HTR1F: variants seen among roughly 807,000 people sequenced by gnomAD.
HTR1F encodes 5-hydroxytryptamine (serotonin) receptor 1F, G protein-coupled.
Under a neutral mutation model 24.0 loss-of-function variants are expected in HTR1F, and 17 were observed. The ratio of observed to expected loss-of-function variants is 0.71; its 90% CI spans 0.48 to 1.06. The LOEUF (loss-of-function observed/expected upper bound fraction) is 1.06. Among genes scored for constraint, HTR1F ranks in the 50% least tolerant of loss-of-function variants. HTR1F has a pLI of 0.00. For synonymous variants in HTR1F, 186 were observed against 156.8 expected (o/e 1.19, Z -1.39); for missense variants, 391 against 427.8 (o/e 0.91, Z 0.76).
intron 2 of HTR1F, among the ~76,000 whole-genome samples, chr3:87,968,699 G>C (rs13075569): frequency 0.5 from 76,189 of 151,736 alleles, 21,938 homozygotes; most frequent in South Asian, 0.7. Flanking sequence ...CATTTTCTTA[G>C]GAGAAATTTA....
chr3:87,839,374 G>C (rs1704751695), intron 2 of HTR1F, among the ~76,000 whole-genome samples: 2 of 151,900 alleles, frequency 1.3e-5, no homozygotes, highest in Non-Finnish European at 2.9e-5. Context: ...AAAAATGTAT[G>C]GATTTACACC....
intron 2 of HTR1F, among the ~76,000 whole-genome samples, chr3:87,909,380 T>A (rs1445484076): frequency 1.3e-5 from 2 of 152,084 alleles, no homozygotes; most frequent in African/African-American, 4.8e-5. Context: ...TCTTTCTTCA[T>A]GACCACATAC....
chr3:87,946,719 A>G (rs1202915701), intron 2 of HTR1F, among the ~76,000 whole-genome samples: 2 of 151,052 alleles, frequency 1.3e-5, no homozygotes, highest in East Asian at 3.9e-4. Context: ...TCTGCCTCCC[A>G]GGTCCAAGCT....
chr3:87,988,819 TC>T (rs1705738926), intron 2 of HTR1F, among the ~76,000 whole-genome samples: 2 of 151,764 alleles, frequency 1.3e-5, no homozygotes, highest in Non-Finnish European at 2.9e-5. Flanking sequence ...CCTCAAGTGA[TC>T]CCCCTGCCTC....
chr3:87,974,851 T>C (rs1705361131), intron 2 of HTR1F, among the ~76,000 whole-genome samples: 1 of 152,200 alleles, frequency 6.6e-6, no homozygotes, highest in Non-Finnish European at 1.5e-5. Context: ...ATTGATTGAT[T>C]GATGCTCAAA....
chr3:87,945,326 T>C (rs2107449571), intron 2 of HTR1F, among the ~76,000 whole-genome samples: 1 of 152,236 alleles, frequency 6.6e-6, no homozygotes, highest in African/African-American at 2.4e-5. Context: ...CTTAGATCCT[T>C]TGGAGATACA....
At chr3:87,939,771 T>G (rs2107435637) in intron 2 of HTR1F, among the ~76,000 whole-genome samples, 1 of 152,318 alleles carries the variant, frequency 6.6e-6, no homozygotes. Context: ...TTGATTAGTC[T>G]GCTAACAGTC....
intron 2 of HTR1F, among the ~76,000 whole-genome samples, chr3:87,984,454 TTTG>T (rs1461848041): frequency 1.0e-5 from 1 of 95,432 alleles, no homozygotes; most frequent in African/African-American, 3.5e-5. Flanking sequence ...TTTTTGTTTG[TTTG>T]TTTTGTTTTT....
intron 2 of HTR1F, among the ~76,000 whole-genome samples, chr3:87,844,051 G>T (rs1230101292): frequency 6.7e-6 from 1 of 148,964 alleles, no homozygotes; most frequent in African/African-American, 2.5e-5. Context: ...CCAGTAATGG[G>T]ATGGCTGGGT....
At chr3:87,837,709 G>T (rs1225697250) in intron 2 of HTR1F, among the ~76,000 whole-genome samples, 1 of 151,858 alleles carries the variant, frequency 6.6e-6, no homozygotes, top group Non-Finnish European at 1.5e-5. Context: ...TATATAATGT[G>T]TGACAATTTT....
chr3:87,813,734 T>A (rs946617880), intron 1 of HTR1F, among the ~76,000 whole-genome samples: 3 of 152,188 alleles, frequency 2.0e-5, no homozygotes, highest in African/African-American at 7.2e-5. Flanking sequence ...ATGGGGGTCA[T>A]TCCCCCATGC....
chr3:87,826,773 T>A (rs79386533), intron 2 of HTR1F, among the ~76,000 whole-genome samples: 1 of 152,278 alleles, frequency 6.6e-6, no homozygotes, highest in African/African-American at 2.4e-5. Context: ...TGCTTGAAAG[T>A]CCACAAATAG....
chr3:87,948,591 C>T (rs1704765029), intron 2 of HTR1F, among the ~76,000 whole-genome samples: 1 of 151,954 alleles, frequency 6.6e-6, no homozygotes, highest in Admixed American at 6.6e-5. Context: ...AAGCAGTCTT[C>T]CTGCCTCATC....
At chr3:87,905,599 A>G (rs1703649381) in intron 2 of HTR1F, among the ~76,000 whole-genome samples, 1 of 152,142 alleles carries the variant, frequency 6.6e-6, no homozygotes, top group African/African-American at 2.4e-5. Flanking sequence ...ACAGTCATTG[A>G]GACATACTTT....
intron 2 of HTR1F, among the ~76,000 whole-genome samples, chr3:87,898,414 G>GT (rs1425908351): frequency 6.6e-6 from 1 of 152,028 alleles, no homozygotes; most frequent in Non-Finnish European, 1.5e-5. Flanking sequence ...TCATGCTGAT[G>GT]TTTTTTTCTA....
chr3:87,891,213 T>G (rs954788208), intron 2 of HTR1F, among the ~76,000 whole-genome samples: 6 of 152,148 alleles, frequency 3.9e-5, no homozygotes, highest in African/African-American at 1.2e-4. Context: ...TTGAATTCAA[T>G]TTGTTAAAAT....
At chr3:87,857,036 G>C (rs774232758) in intron 2 of HTR1F, among the ~76,000 whole-genome samples, 3 of 152,040 alleles carry the variant, frequency 2.0e-5, no homozygotes, top group Non-Finnish European at 4.4e-5. Flanking sequence ...TTCATTTCTT[G>C]TTGTATTTCT....
intron 2 of HTR1F, among the ~76,000 whole-genome samples, chr3:87,937,357 TAAAAACA>T (rs771109994): frequency 1.3e-5 from 2 of 151,210 alleles, no homozygotes; most frequent in African/African-American, 2.4e-5. Flanking sequence ...TAAACAGAAC[TAAAAACA>T]AAACGACATG....
chr3:87,832,409 C>T (rs762313607), intron 2 of HTR1F, among the ~76,000 whole-genome samples: 14 of 150,076 alleles, frequency 9.3e-5, no homozygotes, highest in Admixed American at 8.7e-4. Context: ...CTCACTGCAA[C>T]CTCTTCCTCC....
Sources: allele counts gnomAD v4.1 joint callset (sites outside exome capture counted in the v4.1 genomes callset), GRCh38; gene constraint gnomAD v4.1.1; transcripts MANE v1.5; gene names NCBI Gene and HGNC (gene_info 2026-07-23, HGNC 2026-07-21).